Variants in ARHGAP42 observed in about 807,000 individuals in gnomAD.
ARHGAP42 encodes the protein rho GTPase-activating protein 42.
Under a neutral mutation model 125.0 loss-of-function variants are expected in ARHGAP42, and 63 were observed. That is an observed-to-expected ratio of 0.50 (90% CI 0.41 to 0.62). The LOEUF is 0.62. Ranked by LOEUF, ARHGAP42 falls within the 20% of genes least tolerant of loss-of-function variation. The probability of loss-of-function intolerance (pLI) is 0.00; values close to 1 mark genes in which losing one functional copy is unlikely to be tolerated. For missense variants in ARHGAP42, 766 were observed against 1,024.2 expected, an observed-to-expected ratio of 0.75 and a Z score of 3.44; for synonymous variants, 339 against 351.0, an observed-to-expected ratio of 0.97 and a Z score of 0.38.
chr11:100,958,852 G>A (rs1013049423), intron 12 of ARHGAP42, among the ~76,000 whole-genome samples: 1 of 151,970 alleles, frequency 6.6e-6, no homozygotes, highest in Non-Finnish European at 1.5e-5. Flanking sequence ...AATCAATTCA[G>A]TTCCATTGGC....
intron 1 of ARHGAP42, among the ~76,000 whole-genome samples, chr11:100,765,980 T>C (rs1203967174): frequency 6.6e-6 from 1 of 152,234 alleles, no homozygotes; most frequent in Non-Finnish European, 1.5e-5. Context: ...CTTAAGTCTA[T>C]GTGCAAGAAA....
At chr11:100,985,555 A>G (rs1333246382) in intron 22 of ARHGAP42, among the ~76,000 whole-genome samples, 1 of 152,166 alleles carries the variant, frequency 6.6e-6, no homozygotes, top group African/African-American at 2.4e-5. Context: ...TGCAACCAAC[A>G]TACCCACGTG....
At chr11:100,790,022 A>T (rs1863528950) in intron 2 of ARHGAP42, among the ~76,000 whole-genome samples, 1 of 152,192 alleles carries the variant, frequency 6.6e-6, no homozygotes, top group Admixed American at 6.5e-5. Flanking sequence ...TTGTTGAAAC[A>T]TTTGATGGTA....
chr11:100,767,072 A>G (rs936644673), intron 1 of ARHGAP42, among the ~76,000 whole-genome samples: 4 of 152,210 alleles, frequency 2.6e-5, no homozygotes, highest in Non-Finnish European at 5.9e-5. Flanking sequence ...ACTGCTATCA[A>G]CAGATTGTCC....
rs564070620 is a variant in ARHGAP42 at position 100,754,864 on chromosome 11, C to T, written c.155-15479C>T. Among the ~76,000 whole-genome samples, 3 of 152,174 alleles carry T rather than the reference C, an allele frequency of 2.0e-5. No homozygotes were observed. The South Asian group carries it at 6.2e-4, about 32-fold the overall frequency. On this transcript the variant is annotated intron_variant, in intron 1 of 23. Transcript: ENST00000298815. ...TCTGTAATTTATTTGTATTTGTTTT[C>T]ACATGAAAGTAATAATAAAAAAGTG... is the stretch of plus-strand genomic sequence containing the variant.
At position 100,973,254 on chromosome 11, in the gene ARHGAP42, C is replaced by G; in HGVS notation, c.1630C>G (p.Gln544Glu). 6.4e-7 allele frequency: 1 copy of G among 1,551,028 alleles called. No homozygotes were observed. Among genetic ancestry groups the G allele is most frequent in the Non-Finnish European group, 8.7e-7 (1 of 1,146,624 alleles). Residue 544 changes from glutamine to glutamate, a missense_variant, in exon 18 of 24, where the codon CAG becomes GAG. This residue lies in a region of ARHGAP42 where 455 missense variants were observed against 636.5 expected (regional missense o/e 0.71). Transcript: ENST00000298815. ...VIFGPTLMRAQEETVAAMMNI... is the reference protein window; with the variant it reads ...VIFGPTLMRAEEETVAAMMNI... ...ATTTGGCCCAACTCTAATGAGAGCA[C>G]AGGAAGAAACTGTGGCTGCTATGAT...
chr11:100,812,576 G>C (rs1020634998), intron 3 of ARHGAP42, among the ~76,000 whole-genome samples: 3 of 152,186 alleles, frequency 2.0e-5, no homozygotes, highest in Admixed American at 1.3e-4. Context: ...ATCAAGGAAG[G>C]CCTCAGTGAG....
intron 1 of ARHGAP42, among the ~76,000 whole-genome samples, chr11:100,762,082 G>A (rs1331752579): frequency 6.6e-6 from 1 of 152,158 alleles, no homozygotes; most frequent in Non-Finnish European, 1.5e-5. Context: ...CTTCTTTCCG[G>A]ATCTGAGCAC....
At chr11:100,960,008 TC>T in intron 13 of ARHGAP42, 63 bp downstream of exon 13, 1 of 1,371,514 alleles carries the variant, frequency 7.3e-7, no homozygotes, top group Non-Finnish European at 1.0e-6. Context: ...TGGAAAACTC[TC>T]AGAGTAGATA....
chr11:100,951,552 C>T (rs1324403215), intron 12 of ARHGAP42, among the ~76,000 whole-genome samples: 1 of 152,136 alleles, frequency 6.6e-6, no homozygotes, highest in African/African-American at 2.4e-5. Flanking sequence ...TCATGGAAGA[C>T]AATTGCACCT....
At chr11:100,988,443 C>G (rs1016098139) in intron 23 of ARHGAP42, among the ~76,000 whole-genome samples, 3 of 152,040 alleles carry the variant, frequency 2.0e-5, no homozygotes, top group Non-Finnish European at 2.9e-5. Flanking sequence ...CAACTATTTA[C>G]ATAGTATTTA....
At chr11:100,761,200 A>T (rs74358937) in intron 1 of ARHGAP42, among the ~76,000 whole-genome samples, 2,124 of 152,274 alleles carry the variant, frequency 0.014, 40 homozygotes, top group South Asian at 0.045. Flanking sequence ...AACTTAAATG[A>T]CCACTTAGGA....
intron 1 of ARHGAP42, among the ~76,000 whole-genome samples, chr11:100,704,018 ATGAAAT>A (rs1192451509): frequency 6.6e-6 from 1 of 152,208 alleles, no homozygotes; most frequent in African/African-American, 2.4e-5. Context: ...AAAGAAAATG[ATGAAAT>A]TGATAGGACA....
chr11:100,842,804 T>A (rs974469792), intron 3 of ARHGAP42, among the ~76,000 whole-genome samples: 1 of 152,038 alleles, frequency 6.6e-6, no homozygotes, highest in Middle Eastern at 3.2e-3. Flanking sequence ...TAAAACCTCT[T>A]GGATACAGCA....
At chr11:100,774,924 G>C (rs1863082025) in intron 2 of ARHGAP42, among the ~76,000 whole-genome samples, 1 of 152,146 alleles carries the variant, frequency 6.6e-6, no homozygotes, top group Non-Finnish European at 1.5e-5. Flanking sequence ...CTTGGAAGGA[G>C]GCAAAATGGG....
chr11:100,869,918 G>A (rs1325199286), intron 4 of ARHGAP42, among the ~76,000 whole-genome samples: 2 of 152,034 alleles, frequency 1.3e-5, no homozygotes, highest in Admixed American at 1.3e-4. Flanking sequence ...CCTCAAAATT[G>A]TATTTTTCCA....
intron 1 of ARHGAP42, among the ~76,000 whole-genome samples, chr11:100,734,819 T>C (rs979128581): frequency 2.0e-5 from 3 of 152,214 alleles, no homozygotes; most frequent in Non-Finnish European, 4.4e-5. Flanking sequence ...TGTCAGTTTT[T>C]TAATCTTTTC....
chr11:100,713,179 A>G lies in ARHGAP42; in HGVS notation c.154+25347A>G, dbSNP rs948620964. 1.4e-4 allele frequency among the ~76,000 whole-genome samples: 22 copies of G among 152,238 alleles called. 1 individual carries two copies. Among genetic ancestry groups the G allele is most frequent in the African/African-American group, 5.1e-4 (21 of 41,464 alleles). The stretch of plus-strand genomic sequence containing the variant: ...AGAATACATTTCTGGCACAGGTTTA[A>G]GTAGAGAACCTATAGTGAGTTTAAT... On this transcript the variant is annotated intron_variant, in intron 1 of 23. Coordinates refer to ENST00000298815, the MANE Select transcript of ARHGAP42 (RefSeq NM_152432.4).
intron 2 of ARHGAP42, among the ~76,000 whole-genome samples, chr11:100,791,225 G>C (rs751571484): frequency 1.4e-4 from 21 of 152,152 alleles, no homozygotes; most frequent in Non-Finnish European, 2.6e-4. Context: ...AGGCAGTTTG[G>C]ATCTGCCTGG....
Sources: allele counts gnomAD v4.1 joint callset (sites outside exome capture counted in the v4.1 genomes callset), GRCh38; gene constraint gnomAD v4.1.1; regional missense constraint gnomAD v4.1.1; transcripts MANE v1.5; gene names NCBI Gene and HGNC (gene_info 2026-07-23, HGNC 2026-07-21).